CNTN5: variants seen among roughly 807,000 people sequenced by gnomAD.
CNTN5 encodes the protein contactin 5, also known as contactin-5.
Under a neutral mutation model 129.1 loss-of-function variants are expected in CNTN5, and 77 were observed. The ratio of observed to expected loss-of-function variants is 0.60; its 90% CI spans 0.50 to 0.72. The LOEUF (loss-of-function observed/expected upper bound fraction) is 0.72. Among genes scored for constraint, CNTN5 ranks in the 30% least tolerant of loss-of-function variants. The pLI, the probability that CNTN5 is intolerant of heterozygous loss-of-function variation, is 0.00. For synonymous variants in CNTN5, 509 were observed against 465.6 expected (o/e 1.09, Z -1.20); for missense variants, 1,478 against 1,328.8 (o/e 1.11, Z -1.75).
intron 1 of CNTN5, among the ~76,000 whole-genome samples, chr11:99,160,276 G>T (rs12418710): frequency 0.26 from 38,983 of 152,070 alleles, 5,418 homozygotes; most frequent in Middle Eastern, 0.32. Flanking sequence ...TTAGCTCATT[G>T]CTTATGTTAT....
At chr11:99,396,647 T>G (rs1941540141) in intron 2 of CNTN5, among the ~76,000 whole-genome samples, 1 of 151,688 alleles carries the variant, frequency 6.6e-6, no homozygotes, top group African/African-American at 2.4e-5. Context: ...TCTGAAAATA[T>G]TTTTATTATA....
intron 1 of CNTN5, among the ~76,000 whole-genome samples, chr11:99,090,435 C>T (rs1200521556): frequency 6.6e-6 from 1 of 152,050 alleles, no homozygotes; most frequent in Non-Finnish European, 1.5e-5. Context: ...CTGTAAGTGA[C>T]ATAATAACTT....
intron 21 of CNTN5, among the ~76,000 whole-genome samples, chr11:100,339,447 TCTGA>T (rs752424596): frequency 1.6e-4 from 24 of 152,106 alleles, no homozygotes; most frequent in Non-Finnish European, 2.5e-4. Flanking sequence ...TCTCATCGCT[TCTGA>T]CTGATAGTGG....
At chr11:99,772,699 T>C (rs1055877305) in intron 3 of CNTN5, among the ~76,000 whole-genome samples, 3 of 152,110 alleles carry the variant, frequency 2.0e-5, no homozygotes, top group African/African-American at 7.2e-5. Context: ...ACATTTTAAA[T>C]AATAGATTAC....
chr11:99,362,162 T>A (rs946662643), intron 2 of CNTN5, among the ~76,000 whole-genome samples: 1 of 152,016 alleles, frequency 6.6e-6, no homozygotes, highest in Non-Finnish European at 1.5e-5. Context: ...TATTATTTTT[T>A]AATAATAGCC....
intron 13 of CNTN5, among the ~76,000 whole-genome samples, chr11:100,121,897 A>AAGAT (rs1946037025): frequency 1.3e-5 from 2 of 152,110 alleles, no homozygotes; most frequent in South Asian, 4.1e-4. Flanking sequence ...ATTTTAAAAA[A>AAGAT]AGATGAACAG....
chr11:99,272,912 A>G (rs1423732256), intron 1 of CNTN5, among the ~76,000 whole-genome samples: 1 of 151,874 alleles, frequency 6.6e-6, no homozygotes, highest in African/African-American at 2.4e-5. Context: ...TAAAGAAAAT[A>G]CTCCTTATAA....
At chr11:99,250,200 C>A (rs1437364053) in intron 1 of CNTN5, among the ~76,000 whole-genome samples, 1 of 151,968 alleles carries the variant, frequency 6.6e-6, no homozygotes, top group African/African-American at 2.4e-5. Context: ...CCAGTGATAT[C>A]TCCTGTGTTC....
chr11:100,168,615 C>A (rs1947724674), intron 13 of CNTN5, among the ~76,000 whole-genome samples: 1 of 151,998 alleles, frequency 6.6e-6, no homozygotes, highest in Admixed American at 6.6e-5. Context: ...ATTGACAATG[C>A]ACCTGGTCAT....
intron 3 of CNTN5, among the ~76,000 whole-genome samples, chr11:99,647,560 AT>A (rs996901009): frequency 2.0e-5 from 3 of 151,372 alleles, no homozygotes; most frequent in African/African-American, 7.3e-5. Context: ...ATTTTTTTCT[AT>A]TTTTGTATAG....
At chr11:99,846,116 C>T (rs916890519) in intron 6 of CNTN5, among the ~76,000 whole-genome samples, 4 of 121,948 alleles carry the variant, frequency 3.3e-5, no homozygotes, top group African/African-American at 6.5e-5. Context: ...TTGTATGTGG[C>T]TATACGGACA....
At chr11:99,288,559 G>T (rs1356275770) in intron 1 of CNTN5, among the ~76,000 whole-genome samples, 1 of 151,828 alleles carries the variant, frequency 6.6e-6, no homozygotes, top group African/African-American at 2.4e-5. Flanking sequence ...TTGCTTCAGT[G>T]TCATTTATCA....
intron 1 of CNTN5, among the ~76,000 whole-genome samples, chr11:99,324,118 A>G (rs892218946): frequency 4.6e-5 from 7 of 152,222 alleles, no homozygotes; most frequent in African/African-American, 1.7e-4. Flanking sequence ...CAAAAATGTC[A>G]ATTTCCTGAA....
At chr11:99,928,232 A>T (rs1167388000) in intron 7 of CNTN5, among the ~76,000 whole-genome samples, 1 of 152,106 alleles carries the variant, frequency 6.6e-6, no homozygotes, top group East Asian at 1.9e-4. Flanking sequence ...ATGGGCTGGC[A>T]TTGTTTGTAG....
chr11:100,200,556 G>A (rs1442206405), intron 15 of CNTN5, among the ~76,000 whole-genome samples: 1 of 151,868 alleles, frequency 6.6e-6, no homozygotes, highest in Non-Finnish European at 1.5e-5. Flanking sequence ...TTATTTTGGT[G>A]TAGAACTGCA....
chr11:100,160,381 A>C (rs1037122720), intron 13 of CNTN5, among the ~76,000 whole-genome samples: 1 of 151,966 alleles, frequency 6.6e-6, no homozygotes, highest in Non-Finnish European at 1.5e-5. Context: ...CAATAAACAT[A>C]TGTATGCATG....
At chr11:100,284,940 C>T (rs1036842028) in intron 18 of CNTN5, among the ~76,000 whole-genome samples, 2 of 152,180 alleles carry the variant, frequency 1.3e-5, no homozygotes, top group African/African-American at 2.4e-5. Context: ...TCTACTGTGC[C>T]ACTTAATAGC....
intron 3 of CNTN5, among the ~76,000 whole-genome samples, chr11:99,731,509 TA>T (rs1287994228): frequency 6.6e-6 from 1 of 152,188 alleles, no homozygotes; most frequent in Non-Finnish European, 1.5e-5. Context: ...ACTTTACCCT[TA>T]AATTAAGCCC....
intron 4 of CNTN5, among the ~76,000 whole-genome samples, chr11:99,820,448 T>TCC (rs1376418372): frequency 6.6e-6 from 1 of 152,304 alleles, no homozygotes; most frequent in Non-Finnish European, 1.5e-5. Flanking sequence ...AATCTATATA[T>TCC]CCAACACTAA....
Sources: allele counts gnomAD v4.1 joint callset (sites outside exome capture counted in the v4.1 genomes callset), GRCh38; gene constraint gnomAD v4.1.1; transcripts MANE v1.5; gene names NCBI Gene and HGNC (gene_info 2026-07-23, HGNC 2026-07-21).